Variants in ZFHX2 observed in about 807,000 individuals in gnomAD.
ZFHX2 encodes the protein zinc finger homeobox 2.
ZFHX2 carries 75 observed loss-of-function variants against 164.8 expected under a neutral mutation model. The observed-to-expected ratio is 0.46, with a 90% confidence interval of 0.38 to 0.55. The LOEUF (loss-of-function observed/expected upper bound fraction) is 0.55. Among genes scored for constraint, ZFHX2 ranks in the 20% least tolerant of loss-of-function variants. ZFHX2 has a pLI of 0.00. For synonymous variants in ZFHX2, 1,217 were observed against 1,351.4 expected (o/e 0.90, Z 2.18); for missense variants, 2,933 against 3,308.0 (o/e 0.89, Z 2.78).
rs1299409167 is a variant in ZFHX2, at chr14:23,534,222, G to A, written c.1104C>T (p.Gly368=). 21 of 1,509,684 alleles carry A rather than the reference G, an allele frequency of 1.4e-5. No individual in the cohort carries two copies. The highest frequency in any genetic ancestry group is 3.8e-5 in the South Asian group (3 of 79,360). 93.5% of individuals were successfully genotyped at this position (1,509,684 alleles called of 1,614,324 possible). A position where few individuals can be genotyped will look rare whatever the true frequency, so the allele number is the denominator to read the frequency against. Residue 368 remains glycine, a synonymous_variant, in exon 2 of 10, where the codon GGC becomes GGT. Transcript: ENST00000419474. This position sits in a 1 kb window ranked among gnomAD's most constrained non-coding sequence, Gnocchi z 4.5. ...CAGGGAACCAATCTGGCCCTGCCTC[G>A]CCTGCTGCTACTGGCGATTCTTTGG... ...TQAKESPVAA[G]EAGPDWFPEG... is the part of the protein sequence containing the mutation.
chr14:23,534,045 T>C lies in ZFHX2; in HGVS notation c.1281A>G (p.Pro427=), dbSNP rs1040517187. 1 of 1,533,416 alleles carries C rather than the reference T, an allele frequency of 6.5e-7. No individual in the cohort carries two copies. The highest frequency in any genetic ancestry group is 1.4e-5 in the African/African-American group (1 of 72,660). 95.0% of individuals were successfully genotyped at this position (1,533,416 alleles called of 1,614,324 possible). A position where few individuals can be genotyped will look rare whatever the true frequency, so the allele number is the denominator to read the frequency against. Residue 427 remains proline, a synonymous_variant, in exon 2 of 10, where the codon CCA becomes CCG. Transcript: ENST00000419474. The surrounding 1 kb of genome is among the most constrained non-coding windows in gnomAD (Gnocchi z 4.5). Reference sequence around the variant, plus strand: ...TGAGGCCCTGGAAGGCTGCAGGGGCTGGGGTGTAGTCATCAGCTAGGCGAT... The same window carrying C: ...TGAGGCCCTGGAAGGCTGCAGGGGCCGGGGTGTAGTCATCAGCTAGGCGAT... ...QPYRLADDYT[P]APAAFQGLSL... is the part of the protein sequence containing the mutation.
chr14:23,523,486 A>G lies in ZFHX2; in HGVS notation c.6456T>C (p.Asp2152=), dbSNP rs1878307429. 2.0e-6 allele frequency: 3 copies of G among 1,536,168 alleles called. No homozygotes were observed. The highest frequency in any genetic ancestry group is 2.6e-6 in the Non-Finnish European group (3 of 1,146,910). ...AAQRTDCPYC[D]VKYDFYVSCR... ...AGGAGACATAGAAATCATACTTGACATCACAATAGGGGCAGTCAGTGCGCT... is the reference window on the plus strand; with the variant it reads ...AGGAGACATAGAAATCATACTTGACGTCACAATAGGGGCAGTCAGTGCGCT... Residue 2152 remains aspartate, a synonymous_variant, in exon 9 of 10, where the codon GAT becomes GAC. Transcript: ENST00000419474. The surrounding 1 kb of genome is among the most constrained non-coding windows in gnomAD (Gnocchi z 4.1).
rs950763356 is a variant in ZFHX2 at position 23,533,319 on chromosome 14, G to A, written c.2007C>T (p.His669=). ...GGAACTTGCGGGCAGGTGCTCCTACGTGGTGGAAACCATTGAGAAGTAGCT... is the reference window on the plus strand; with the variant it reads ...GGAACTTGCGGGCAGGTGCTCCTACATGGTGGAAACCATTGAGAAGTAGCT... ...EAQLLLNGFH[H]VGAPARKFPT... The change falls in exon 2 of 10, where the codon CAC becomes CAT. Residue 669 remains histidine (H), a synonymous_variant. Coordinates refer to ENST00000419474, the MANE Select transcript of ZFHX2 (RefSeq NM_033400.3). This position sits in a 1 kb window ranked among gnomAD's most constrained non-coding sequence, Gnocchi z 4.8. 54 of 1,438,426 alleles carry A rather than the reference G, an allele frequency of 3.8e-5. 1 individual carries two copies. Among genetic ancestry groups the A allele is most frequent in the Middle Eastern group, 1.8e-4 (1 of 5,474 alleles). 89.1% of individuals were successfully genotyped at this position (1,438,426 alleles called of 1,614,324 possible).
chr14:23,535,884 G>A lies in ZFHX2; in HGVS notation c.-49-510C>T, dbSNP rs74039344. 0.03 allele frequency among the ~76,000 whole-genome samples: 4,590 copies of A among 152,196 alleles called. 256 individuals carry two copies. Among genetic ancestry groups the A allele is most frequent in the African/African-American group, 0.1 (4,346 of 41,504 alleles). ...TAGGATTATAGGCGTGAGCCACCGCGCCCAGCCTAGAACTCTTTATTTGTC... is the reference window on the plus strand; with the variant it reads ...TAGGATTATAGGCGTGAGCCACCGCACCCAGCCTAGAACTCTTTATTTGTC... On this transcript the variant is annotated intron_variant, in intron 1 of 9. Transcript: ENST00000419474. The surrounding 1 kb of genome is among the most constrained non-coding windows in gnomAD (Gnocchi z 4.5).
chr14:23,529,456 C>CCCTCAAGTTTCTGCTGTCAT (rs1879243364), intron 6 of ZFHX2: 1 of 500,686 alleles, frequency 2.0e-6, no homozygotes, highest in East Asian at 3.6e-5. Context: ...CAGCACAATT[C>CCCTCAAGTTTCTGCTGTCAT]CTTTATTCAT....
chr14:23,521,717 G>T lies in ZFHX2; in HGVS notation c.*245C>A. ...TGGGTGTATGTGTCTGTGAAGATGG[G>T]CAAGGGCTACATCTGCAAGGAGCTG... On this transcript the variant is annotated 3_prime_UTR_variant, in exon 10 of 10. Transcript: ENST00000419474. The T allele has an allele frequency of 3.3e-6, 2 of 598,766 alleles. No homozygotes were observed. Among genetic ancestry groups the T allele is most frequent in the Non-Finnish European group, 5.5e-6 (2 of 366,960 alleles). 37.1% of individuals were successfully genotyped at this position (598,766 alleles called of 1,614,324 possible).
Position 23,522,398 on chromosome 14 carries a change from TC to T in ZFHX2, c.7282del (p.Glu2428LysfsTer9), listed in dbSNP as rs1878117761. The T allele has an allele frequency of 7.8e-6, 12 of 1,536,154 alleles. No homozygotes were observed. Among genetic ancestry groups the T allele is most frequent in the Non-Finnish European group, 9.6e-6 (11 of 1,146,866 alleles). On this transcript the variant is annotated frameshift_variant, in exon 10 of 10. Coordinates refer to ENST00000419474, the MANE Select transcript of ZFHX2 (RefSeq NM_033400.3). LOFTEE classifies it high-confidence loss of function. ...CAGCAGCTCATCAACCTCACCAGCTTCCCCCTCCCCTGGAGCAGGCAGTTCA... is the reference window on the plus strand; with the variant it reads ...CAGCAGCTCATCAACCTCACCAGCTTCCCCTCCCCTGGAGCAGGCAGTTCA... ...PPELPAPGEG[E>X]AGEVDELLTG...
At position 23,523,566 on chromosome 14, in the gene ZFHX2, G is replaced by A. The variant is rs1191446266; in HGVS notation, c.6376C>T (p.Gln2126Ter). The change falls in exon 9 of 10, where the codon CAG becomes TAG. Residue 2126 changes from glutamine (Q) to a stop codon, truncating the protein, a stop_gained. Coordinates refer to ENST00000419474, the MANE Select transcript of ZFHX2 (RefSeq NM_033400.3). LOFTEE classifies it high-confidence loss of function. The surrounding 1 kb of genome is among the most constrained non-coding windows in gnomAD (Gnocchi z 4.1). ...CCAGTGCTCCCAGCGGCTGTCCCCTGTAGTTTGGCCTTCTTTTCCTTGGCA... is the reference window on the plus strand; with the variant it reads ...CCAGTGCTCCCAGCGGCTGTCCCCTATAGTTTGGCCTTCTTTTCCTTGGCA... ...ARAKEKKAKL[Q>*]GTAAGSTGGS... 6.5e-7 allele frequency: 1 copy of A among 1,540,256 alleles called. No individual in the cohort carries two copies. Among genetic ancestry groups the A allele is most frequent in the Non-Finnish European group, 8.7e-7 (1 of 1,148,612 alleles).
At position 23,524,665 on chromosome 14, in the gene ZFHX2, C is replaced by A. The variant is rs1169426014; in HGVS notation, c.5277G>T (p.Glu1759Asp). 2.6e-6 allele frequency: 4 copies of A among 1,536,318 alleles called. No individual in the cohort carries two copies. Among genetic ancestry groups the A allele is most frequent in the Non-Finnish European group, 3.5e-6 (4 of 1,146,920 alleles). ...CTGGGGAAGGTGATGGAGTAGCCTT[C>A]TCTTCAGGCTCTTTGCCTCCTGCCT... ...ATKAGGKEPE[E>D]KATPSPSPAH... Residue 1759 changes from glutamate to aspartate, a missense_variant, in exon 9 of 10, where the codon GAG becomes GAT. Transcript: ENST00000419474. This position sits in a 1 kb window ranked among gnomAD's most constrained non-coding sequence, Gnocchi z 5.6.
At chr14:23,529,042 G>A (rs1879168462) in intron 6 of ZFHX2, among the ~76,000 whole-genome samples, 1 of 152,246 alleles carries the variant, frequency 6.6e-6, no homozygotes, top group Admixed American at 6.5e-5. Context: ...ACTTCAGCTT[G>A]CAGTAATGCA....
rs776861647 is a variant in ZFHX2 at position 23,523,319 on chromosome 14, G to A, written c.6623C>T (p.Thr2208Ile). The change falls in exon 9 of 10, where the codon ACA becomes ATA. Residue 2208 changes from threonine to isoleucine, a missense_variant. By Grantham distance (89) the Thr-to-Ile change is moderately conservative. Transcript: ENST00000419474. The surrounding 1 kb of genome is among the most constrained non-coding windows in gnomAD (Gnocchi z 4.1). ...PPALKAPPAT[T>I]PASMPLGAAP... ...AGCCCCGAGGGGCATGGAGGCAGGTGTGGTGGCAGGTGGGGCCTTGAGAGC... is the reference window on the plus strand; with the variant it reads ...AGCCCCGAGGGGCATGGAGGCAGGTATGGTGGCAGGTGGGGCCTTGAGAGC... 192 of 1,453,398 alleles carry A rather than the reference G, an allele frequency of 1.3e-4. No individual in the cohort carries two copies. Among genetic ancestry groups the A allele is most frequent in the Non-Finnish European group, 1.7e-4 (191 of 1,107,260 alleles). The allele number at this position is 1,453,398 out of a possible 1,614,324, so 90.0% of individuals were successfully genotyped here. A position where few individuals can be genotyped will look rare whatever the true frequency, so the allele number is the denominator to read the frequency against.
At chr14:23,536,190 C>T (rs1415013202) in intron 1 of ZFHX2, among the ~76,000 whole-genome samples, 3 of 152,312 alleles carry the variant, frequency 2.0e-5, no homozygotes, top group Admixed American at 1.3e-4. Context: ...TCCACTACTG[C>T]CCGCTACAGT....
intron 1 of ZFHX2, among the ~76,000 whole-genome samples, chr14:23,538,511 C>T (rs1045351575): frequency 6.6e-6 from 1 of 152,080 alleles, no homozygotes; most frequent in Non-Finnish European, 1.5e-5. Context: ...GAACTGGAGA[C>T]AGTGCAGAAA....
chr14:23,532,332 A>T (rs1331836490), intron 3 of ZFHX2: 1 of 473,964 alleles, frequency 2.1e-6, no homozygotes. Context: ...TCCAGGGCCA[A>T]ACACCAGAAG....
chr14:23,527,459 G>T, intron 7 of ZFHX2, 145 bp downstream of exon 7: 1 of 1,089,680 alleles, frequency 9.2e-7, no homozygotes, highest in Non-Finnish European at 1.3e-6. Flanking sequence ...TTGTCGGACC[G>T]TCCTCACCCA....
chr14:23,531,425 C>T, intron 4 of ZFHX2, 56 bp downstream of exon 4: 6 of 1,353,366 alleles, frequency 4.4e-6, no homozygotes, highest in South Asian at 1.9e-5. Flanking sequence ...CCCCTGCTCC[C>T]CACATCCTGC....
In ZFHX2 at chr14:23,526,233, G is replaced by C; in HGVS notation, c.3709C>G (p.Pro1237Ala). 1 of 1,536,314 alleles carries C rather than the reference G, an allele frequency of 6.5e-7. No homozygotes were observed. The highest frequency in any genetic ancestry group is 8.7e-7 in the Non-Finnish European group (1 of 1,146,900). ...SAPARGEAGAPPTTTAATDKP... is the reference protein window; with the variant it reads ...SAPARGEAGAAPTTTAATDKP... ...TCTGTGGCAGCAGTGGTGGTGGGTG[G>C]GGCACCGGCCTCTCCCCGTGCAGGG... is the stretch of plus-strand genomic sequence containing the variant. The change falls in exon 9 of 10, where the codon CCA (proline) becomes GCA (alanine). Residue 1237 changes from proline (P) to alanine (A), a missense_variant. Physicochemically the swap from Pro to Ala is conservative, Grantham distance 27 (BLOSUM62 -1). Transcript: ENST00000419474.
chr14:23,537,140 A>G (rs1880251542), intron 1 of ZFHX2, among the ~76,000 whole-genome samples: 1 of 152,088 alleles, frequency 6.6e-6, no homozygotes. Context: ...GGCAACAAGA[A>G]TGAAACTCCG....
chr14:23,530,443 T>C lies in ZFHX2; in HGVS notation c.2801-249A>G, dbSNP rs184379891. The C allele has an allele frequency of 2.0e-4, 137 of 668,944 alleles. 1 individual carries two copies. The highest frequency in any genetic ancestry group is 8.6e-4 in the Admixed American group (42 of 48,770). The allele number at this position is 668,944 out of a possible 1,614,324, so 41.4% of individuals were successfully genotyped here. A position where few individuals can be genotyped will look rare whatever the true frequency, so the allele number is the denominator to read the frequency against. On this transcript the variant is annotated intron_variant, in intron 4 of 9. Transcript: ENST00000419474. ...TAAGAGTCCAGTTCCTGTCCTTTTA[T>C]AGAAGTCCAGCAGTAGACAGCAGAA...
Sources: allele counts gnomAD v4.1 joint callset (sites outside exome capture counted in the v4.1 genomes callset), GRCh38; gene constraint gnomAD v4.1.1; non-coding constraint Gnocchi (gnomAD v3.1); transcripts MANE v1.5; gene names NCBI Gene and HGNC (gene_info 2026-07-23, HGNC 2026-07-21).